Variants in SMYD3 observed in about 807,000 individuals in gnomAD.
SMYD3 encodes the protein SET and MYND domain containing 3.
A neutral mutation model predicts 57.7 loss-of-function variants in SMYD3; 36 were observed. That is an observed-to-expected ratio of 0.62 (90% CI 0.48 to 0.82). SMYD3 has a LOEUF of 0.82. Ranked by LOEUF, SMYD3 falls within the 40% of genes least tolerant of loss-of-function variation. The pLI is 0.00. For synonymous variants in SMYD3, 211 were observed against 195.0 expected (o/e 1.08, Z -0.68); for missense variants, 515 against 538.8 (o/e 0.96, Z 0.44).
chr1:245,850,433 T>C (rs1172303790), intron 10 of SMYD3, among the ~76,000 whole-genome samples: 1 of 152,178 alleles, frequency 6.6e-6, no homozygotes. Context: ...GGCTCACACC[T>C]GTAATCCCAG....
chr1:246,450,325 A>C (rs1348120230), intron 1 of SMYD3, among the ~76,000 whole-genome samples: 2 of 151,914 alleles, frequency 1.3e-5, no homozygotes, highest in African/African-American at 2.4e-5. Context: ...AACTATAGGG[A>C]CATCCCAGAC....
intron 5 of SMYD3, among the ~76,000 whole-genome samples, chr1:246,116,768 T>C (rs533992277): frequency 6.6e-6 from 1 of 152,344 alleles, no homozygotes; most frequent in South Asian, 2.1e-4. Flanking sequence ...AGTATTGCTT[T>C]AATTAATTAC....
chr1:246,028,328 T>A (rs1197459381), intron 5 of SMYD3, among the ~76,000 whole-genome samples: 1 of 152,170 alleles, frequency 6.6e-6, no homozygotes, highest in Non-Finnish European at 1.5e-5. Context: ...GACATAATCC[T>A]ATATACAGAA....
At chr1:246,085,493 T>A (rs1459203388) in intron 5 of SMYD3, among the ~76,000 whole-genome samples, 2 of 152,158 alleles carry the variant, frequency 1.3e-5, no homozygotes, top group South Asian at 2.1e-4. Flanking sequence ...CAAAGGACCC[T>A]AATGTGTGAG....
At chr1:246,241,352 T>C (rs574758305) in intron 5 of SMYD3, among the ~76,000 whole-genome samples, 18 of 152,236 alleles carry the variant, frequency 1.2e-4, no homozygotes, top group Non-Finnish European at 2.1e-4. Context: ...GAGATAATCA[T>C]ATGGCTTTTG....
chr1:246,273,046 G>C, intron 5 of SMYD3, among the ~76,000 whole-genome samples: 1 of 150,358 alleles, frequency 6.7e-6, no homozygotes, highest in East Asian at 1.9e-4. Flanking sequence ...TTTCATCTAG[G>C]GTATTCAATT....
chr1:246,006,480 AC>A (rs1381799315), intron 5 of SMYD3, among the ~76,000 whole-genome samples: 4 of 152,188 alleles, frequency 2.6e-5, no homozygotes, highest in Admixed American at 2.6e-4. Context: ...AGAAGCCCTT[AC>A]TGCACATCTG....
At chr1:245,946,361 A>C (rs898266076) in intron 5 of SMYD3, among the ~76,000 whole-genome samples, 2 of 152,092 alleles carry the variant, frequency 1.3e-5, no homozygotes, top group Admixed American at 1.3e-4. Context: ...ACACCACTCA[A>C]CACATTGTTT....
At chr1:245,786,212 A>AG (rs200784688) in intron 10 of SMYD3, among the ~76,000 whole-genome samples, 2 of 78,402 alleles carry the variant, frequency 2.6e-5, no homozygotes, top group Non-Finnish European at 4.5e-5. Context: ...TGGGGTGTGG[A>AG]CGGGGGGGGG....
At chr1:246,468,115 C>T (rs2067905507) in intron 1 of SMYD3, among the ~76,000 whole-genome samples, 1 of 150,438 alleles carries the variant, frequency 6.6e-6, no homozygotes, top group Non-Finnish European at 1.5e-5. Context: ...GAGCCATGAT[C>T]TCACCACTGC....
At chr1:246,328,932 T>A (rs1283530173) in intron 4 of SMYD3, among the ~76,000 whole-genome samples, 1 of 151,140 alleles carries the variant, frequency 6.6e-6, no homozygotes, top group Non-Finnish European at 1.5e-5. Flanking sequence ...CGAGTGAGAA[T>A]ATGCGGTGTT....
At chr1:246,285,541 CAA>C (rs34997056) in intron 5 of SMYD3, among the ~76,000 whole-genome samples, 3,691 of 143,736 alleles carry the variant, frequency 0.026, 156 homozygotes, top group African/African-American at 0.088. Flanking sequence ...AAAAATGCTA[CAA>C]AAAAAAAAAT....
chr1:246,505,231 GGAAGTA>G (rs2103081427), intron 1 of SMYD3, among the ~76,000 whole-genome samples: 1 of 152,262 alleles, frequency 6.6e-6, no homozygotes, highest in African/African-American at 2.4e-5. Context: ...ACTATCGGTG[GGAAGTA>G]GAGTGAGCCT....
chr1:245,990,089 AC>A (rs1339790566), intron 5 of SMYD3, among the ~76,000 whole-genome samples: 1 of 152,014 alleles, frequency 6.6e-6, no homozygotes, highest in East Asian at 1.9e-4. Context: ...TATTTTTGAG[AC>A]AGGGCCTCAG....
At chr1:246,082,423 C>T (rs982917934) in intron 5 of SMYD3, among the ~76,000 whole-genome samples, 1 of 152,126 alleles carries the variant, frequency 6.6e-6, no homozygotes, top group Admixed American at 6.5e-5. Flanking sequence ...TGACTTATGA[C>T]TCAGTTGGTC....
At chr1:245,812,700 C>CAAAAAAAAAAAAAAAAA (rs201426225) in intron 10 of SMYD3, among the ~76,000 whole-genome samples, 4 of 46,602 alleles carry the variant, frequency 8.6e-5, no homozygotes, top group Non-Finnish European at 6.0e-5. Context: ...AACAACAGTT[C>CAAAAAAAAAAAAAAAAA]CAAAAAAAAA....
intron 5 of SMYD3, among the ~76,000 whole-genome samples, chr1:246,170,866 T>C (rs1310787964): frequency 6.6e-6 from 1 of 152,214 alleles, no homozygotes; most frequent in Non-Finnish European, 1.5e-5. Context: ...GTAGACTTCT[T>C]ATTTTCCTGC....
intron 5 of SMYD3, among the ~76,000 whole-genome samples, chr1:246,133,188 A>G (rs765273309): frequency 1.1e-4 from 17 of 152,074 alleles, no homozygotes; most frequent in Non-Finnish European, 2.2e-4. Context: ...TAGAATATAT[A>G]AAGAACTCTC....
At chr1:246,312,657 T>C (rs368828044) in intron 5 of SMYD3, among the ~76,000 whole-genome samples, 89 of 152,206 alleles carry the variant, frequency 5.8e-4, no homozygotes, top group African/African-American at 2.0e-3. Context: ...CCAGGTCACA[T>C]AGATGAAGAT....
Sources: allele counts gnomAD v4.1 joint callset (sites outside exome capture counted in the v4.1 genomes callset), GRCh38; gene constraint gnomAD v4.1.1; transcripts MANE v1.5; gene names NCBI Gene and HGNC (gene_info 2026-07-23, HGNC 2026-07-21).